AAK1: variants seen among roughly 807,000 people sequenced by gnomAD.
The protein encoded by AAK1 is AP2-associated protein kinase 1.
Under a neutral mutation model 116.0 loss-of-function variants are expected in AAK1, and 37 were observed. The ratio of observed to expected loss-of-function variants is 0.32; its 90% CI spans 0.25 to 0.42. The LOEUF is 0.42. Among genes scored for constraint, AAK1 ranks in the 10% least tolerant of loss-of-function variants. The pLI, the probability that AAK1 is intolerant of heterozygous loss-of-function variation, is 1.00. For missense variants in AAK1, 919 were observed against 1,170.6 expected (o/e 0.79, Z 3.14); for synonymous variants, 458 against 439.9 (o/e 1.04, Z -0.51).
At chr2:69,506,540 T>A (rs966768589) in intron 15 of AAK1, among the ~76,000 whole-genome samples, 4 of 152,112 alleles carry the variant, frequency 2.6e-5, no homozygotes, top group African/African-American at 9.7e-5. Context: ...ATTTTTAAAA[T>A]TTTTTGTAGA....
intron 3 of AAK1, among the ~76,000 whole-genome samples, chr2:69,548,573 C>T (rs1405751843): frequency 1.4e-5 from 2 of 140,030 alleles, no homozygotes; most frequent in African/African-American, 5.3e-5. Context: ...TTCTTTCTTT[C>T]TTTCTCTCTC....
At chr2:69,509,708 A>T (rs1676319672) in intron 13 of AAK1, among the ~76,000 whole-genome samples, 1 of 152,240 alleles carries the variant, frequency 6.6e-6, no homozygotes, top group South Asian at 2.1e-4. Flanking sequence ...TTTATCAGCG[A>T]TAATATATAG....
rs771918119 is a variant in AAK1 at position 69,476,769 on chromosome 2, A to G, written c.2791+111T>C. On this transcript the variant is annotated intron_variant, in intron 21 of 21. Coordinates refer to ENST00000409085, the MANE Select transcript of AAK1 (RefSeq NM_014911.5). ...CCTACAATGATTCTCATTACACCCAATGTCCTTCATTAAATGTTGATGCTT... is the reference window on the plus strand; with the variant it reads ...CCTACAATGATTCTCATTACACCCAGTGTCCTTCATTAAATGTTGATGCTT... 4 of 691,678 alleles carry G rather than the reference A, an allele frequency of 5.8e-6. No homozygotes were observed. The South Asian group carries it at 7.4e-5, about 13-fold the overall frequency. The allele number at this position is 691,678 out of a possible 1,614,324, so 42.8% of individuals were successfully genotyped here.
intron 2 of AAK1, among the ~76,000 whole-genome samples, chr2:69,595,813 G>C (rs1673254792): frequency 6.6e-6 from 1 of 152,244 alleles, no homozygotes; most frequent in Admixed American, 6.5e-5. Context: ...TTCATAGCTA[G>C]AGAGGAGAAG....
At chr2:69,625,451 G>T (rs2105246721) in intron 2 of AAK1, among the ~76,000 whole-genome samples, 1 of 152,256 alleles carries the variant, frequency 6.6e-6, no homozygotes, top group Non-Finnish European at 1.5e-5. Context: ...TAACAAAACA[G>T]TAACACTCTA....
rs529345921 is a variant in AAK1, at chr2:69,465,234, A to G, written c.*10635T>C. On this transcript the variant is annotated 3_prime_UTR_variant, in exon 22 of 22. Coordinates refer to ENST00000409085, the MANE Select transcript of AAK1 (RefSeq NM_014911.5). ...CAAACAAACAAACAAACAAAAATGA[A>G]CATAACTTAAAGGGGCTTCAACTAA... 79 of 396,880 alleles carry G rather than the reference A, an allele frequency of 2.0e-4. 2 individuals carry two copies. The South Asian group carries it at 2.1e-3, about 11-fold the overall frequency. The allele number at this position is 396,880 out of a possible 1,614,324, so 24.6% of individuals were successfully genotyped here.
intron 2 of AAK1, among the ~76,000 whole-genome samples, chr2:69,641,335 C>A (rs1162578297): frequency 6.6e-6 from 1 of 152,134 alleles, no homozygotes; most frequent in Non-Finnish European, 1.5e-5. Flanking sequence ...GTTTCTCCAC[C>A]CCACTGCAGT....
chr2:69,521,117 A>G (rs1669759087), intron 10 of AAK1, 129 bp from the exon 11 acceptor site: 8 of 1,007,614 alleles, frequency 7.9e-6, no homozygotes, highest in Non-Finnish European at 1.0e-5. Flanking sequence ...ATGCTTCCCA[A>G]AGAATCTCCC....
chr2:69,521,969 G>C (rs1033732500), intron 10 of AAK1, among the ~76,000 whole-genome samples: 1 of 152,122 alleles, frequency 6.6e-6, no homozygotes, highest in South Asian at 2.1e-4. Flanking sequence ...TTACTTGAGA[G>C]AAAAAAATAA....
chr2:69,512,934 TG>T (rs1290803767), intron 13 of AAK1, among the ~76,000 whole-genome samples: 4 of 152,216 alleles, frequency 2.6e-5, no homozygotes, highest in Non-Finnish European at 4.4e-5. Context: ...CTTTGATTCT[TG>T]CCCCAGCTCC....
At chr2:69,514,937 C>T (rs1345549045) in intron 12 of AAK1, among the ~76,000 whole-genome samples, 188 bp from the exon 13 acceptor site, 2 of 152,190 alleles carry the variant, frequency 1.3e-5, no homozygotes, top group Non-Finnish European at 2.9e-5. Flanking sequence ...AGCAGCAGTC[C>T]CTTACACTGC....
Position 69,536,899 on chromosome 2 carries a change from C to T in AAK1, c.535-4737G>A, listed in dbSNP as rs989164106. ...GGACAAGAATCTTCATCCTATTATACTTCATGAGATCAAAATCTCTATTCT... is the reference window on the plus strand; with the variant it reads ...GGACAAGAATCTTCATCCTATTATATTTCATGAGATCAAAATCTCTATTCT... On this transcript the variant is annotated intron_variant, in intron 5 of 21. Coordinates refer to ENST00000409085, the MANE Select transcript of AAK1 (RefSeq NM_014911.5). Among the ~76,000 whole-genome samples, 18 of 152,354 alleles carry T rather than the reference C, an allele frequency of 1.2e-4. 1 individual carries two copies. The highest frequency in any genetic ancestry group is 2.9e-4 in the African/African-American group (12 of 41,586).
rs539173898 is a variant in AAK1 at position 69,476,068 on chromosome 2, A to C, written c.2792-105T>G. The C allele has an allele frequency of 2.2e-4, 327 of 1,461,848 alleles. 1 individual carries two copies. In the African/African-American group the frequency reaches 3.4e-3, roughly 15 times the overall value. The allele number at this position is 1,461,848 out of a possible 1,614,324, so 90.6% of individuals were successfully genotyped here. On this transcript the variant is annotated intron_variant, in intron 21 of 21. Coordinates refer to ENST00000409085, the MANE Select transcript of AAK1 (RefSeq NM_014911.5). ...ACCAAACCAAAACCAAAACCAAAAC[A>C]AAAAAAAACCAAAAAAACCAAACCC...
At chr2:69,506,978 T>C (rs997602221) in intron 15 of AAK1, among the ~76,000 whole-genome samples, 1 of 152,042 alleles carries the variant, frequency 6.6e-6, no homozygotes, top group Non-Finnish European at 1.5e-5. Flanking sequence ...AGTACAGTAA[T>C]ACAGAACTCT....
At position 69,493,647 on chromosome 2, in the gene AAK1, C is replaced by T. The variant is rs1242432624; in HGVS notation, c.2365+2338G>A. On this transcript the variant is annotated intron_variant, in intron 17 of 21. Coordinates refer to ENST00000409085, the MANE Select transcript of AAK1 (RefSeq NM_014911.5). The stretch of plus-strand genomic sequence containing the variant: ...CAGGTGATGAATAAGACAGATGAGG[C>T]CCCTCCCTCAGAGAGTGATAGGATG... Among the ~76,000 whole-genome samples the T allele has an allele frequency of 2.0e-5, 3 of 152,252 alleles. No individual in the cohort carries two copies. The East Asian group carries it at 5.8e-4, about 29-fold the overall frequency.
At chr2:69,639,347 A>ATTCTG (rs1180689627) in intron 2 of AAK1, among the ~76,000 whole-genome samples, 19 of 152,362 alleles carry the variant, frequency 1.2e-4, no homozygotes, top group Admixed American at 9.1e-4. Flanking sequence ...AGCTTAAACC[A>ATTCTG]AATCTTCCCT....
intron 2 of AAK1, among the ~76,000 whole-genome samples, chr2:69,570,219 T>G (rs904946364): frequency 6.6e-6 from 1 of 152,024 alleles, no homozygotes; most frequent in Non-Finnish European, 1.5e-5. Context: ...TTCAGAACTT[T>G]AACCTTTTTG....
At chr2:69,560,950 G>A (rs1373409957) in intron 2 of AAK1, among the ~76,000 whole-genome samples, 7 of 152,176 alleles carry the variant, frequency 4.6e-5, no homozygotes, top group African/African-American at 7.2e-5. Context: ...CTCATGTAAT[G>A]GGATGGCCAC....
intron 13 of AAK1, 65 bp downstream of exon 13, chr2:69,514,406 T>C: frequency 6.8e-7 from 1 of 1,460,042 alleles, no homozygotes; most frequent in East Asian, 2.5e-5. Flanking sequence ...TTTCCCACCC[T>C]TCCCCTAGCT....
Sources: gnomAD v4.1 joint callset for allele counts (sites outside exome capture counted in the v4.1 genomes callset) on GRCh38, gnomAD v4.1.1 for gene constraint, MANE v1.5 for transcripts, NCBI Gene and HGNC (gene_info 2026-07-23, HGNC 2026-07-21) for gene names.